The following FTO variants were observed in gnomAD, a reference collection of about 807,000 sequenced individuals.
FTO encodes FTO alpha-ketoglutarate dependent dioxygenase.
A neutral mutation model predicts 63.9 loss-of-function variants in FTO; 47 were observed. The observed-to-expected ratio is 0.74, with a 90% CI of 0.58 to 0.94. The LOEUF is 0.94. Ranked by LOEUF, FTO falls within the 40% of genes least tolerant of loss-of-function variation. The pLI, the probability that FTO is intolerant of heterozygous loss-of-function variation, is 0.00. For synonymous variants in FTO, 207 were observed against 224.4 expected (o/e 0.92, Z 0.69); for missense variants, 562 against 618.1 (o/e 0.91, Z 0.96).
intron 1 of FTO, among the ~76,000 whole-genome samples, chr16:53,736,334 C>T (rs575068113): frequency 1.1e-4 from 16 of 151,206 alleles, no homozygotes; most frequent in African/African-American, 3.9e-4. Flanking sequence ...TGCACATGTA[C>T]CCTAGGACTT....
At chr16:54,026,308 G>T (rs1163452980) in intron 8 of FTO, among the ~76,000 whole-genome samples, 1 of 152,126 alleles carries the variant, frequency 6.6e-6, no homozygotes, top group African/African-American at 2.4e-5. Context: ...CAAAAGAACT[G>T]CTGTGGCTCC....
At chr16:54,110,227 A>G (rs1201248350) in intron 8 of FTO, among the ~76,000 whole-genome samples, 1 of 152,204 alleles carries the variant, frequency 6.6e-6, no homozygotes, top group Non-Finnish European at 1.5e-5. Flanking sequence ...TGTGTAGCTT[A>G]TCAGTGCAAA....
At chr16:53,954,039 G>T (rs545445741) in intron 8 of FTO, among the ~76,000 whole-genome samples, 1 of 152,310 alleles carries the variant, frequency 6.6e-6, no homozygotes, top group East Asian at 1.9e-4. Context: ...GAAGGCTAGG[G>T]TCCTGCAGAA....
chr16:53,725,446 T>A (rs1166995271), intron 1 of FTO, among the ~76,000 whole-genome samples: 1 of 152,220 alleles, frequency 6.6e-6, no homozygotes, highest in Non-Finnish European at 1.5e-5. Context: ...AGTGTGTACT[T>A]ATGGCTTGGA....
intron 8 of FTO, among the ~76,000 whole-genome samples, chr16:54,021,531 C>T (rs2084599912): frequency 6.6e-6 from 1 of 152,100 alleles, no homozygotes; most frequent in Non-Finnish European, 1.5e-5. Flanking sequence ...CCTCTGTCAC[C>T]CAGGCAGGAG....
At chr16:53,894,375 G>T (rs923516275) in intron 7 of FTO, among the ~76,000 whole-genome samples, 3 of 152,068 alleles carry the variant, frequency 2.0e-5, no homozygotes, top group Non-Finnish European at 4.4e-5. Context: ...GTTTATTTTT[G>T]GAGAGATTAA....
rs1190491412 is a variant in FTO at position 54,121,818 on chromosome 16, G to T, written c.*9903G>T. 1 of 151,950 alleles carries T rather than the reference G, an allele frequency of 6.6e-6. No individual in the cohort carries two copies. The highest frequency in any genetic ancestry group is 1.5e-5 in the Non-Finnish European group (1 of 68,004). The allele number at this position is 151,950 out of a possible 1,614,324, so 9.4% of individuals were successfully genotyped here. A position where few individuals can be genotyped will look rare whatever the true frequency, so the allele number is the denominator to read the frequency against. ...TATTTATAAGTCAGTAAAACACAGC[G>T]GCTTCATACTCTGTGCTTATTACCC... On this transcript the variant is annotated 3_prime_UTR_variant, in exon 9 of 9. Transcript: ENST00000471389.
chr16:53,767,515 A>T (rs1567969530), intron 1 of FTO, among the ~76,000 whole-genome samples: 2 of 152,046 alleles, frequency 1.3e-5, no homozygotes, highest in Non-Finnish European at 2.9e-5. Context: ...AAAAAAATAA[A>T]AAATAAATAA....
intron 4 of FTO, among the ~76,000 whole-genome samples, chr16:53,858,603 G>C (rs1375988226): frequency 6.6e-6 from 1 of 152,094 alleles, no homozygotes; most frequent in Non-Finnish European, 1.5e-5. Flanking sequence ...TTGTTGATGG[G>C]TTTTGAAGAG....
chr16:53,893,047 C>T (rs560577658), intron 7 of FTO, among the ~76,000 whole-genome samples: 1 of 152,222 alleles, frequency 6.6e-6, no homozygotes, highest in African/African-American at 2.4e-5. Flanking sequence ...TTTCTCCCAG[C>T]GGATAGTTTT....
intron 1 of FTO, among the ~76,000 whole-genome samples, chr16:53,796,049 C>CTTT (rs745383491): frequency 1.4e-5 from 2 of 138,432 alleles, no homozygotes. Context: ...TTCTTTCTTT[C>CTTT]TTTTTTTTTT....
chr16:53,820,797 G>A (rs980024832), intron 2 of FTO, among the ~76,000 whole-genome samples: 4 of 152,086 alleles, frequency 2.6e-5, no homozygotes, highest in African/African-American at 9.7e-5. Context: ...GTCCAGGAAA[G>A]GTTTCTATAA....
intron 8 of FTO, among the ~76,000 whole-genome samples, chr16:54,027,573 A>T (rs1199337739): frequency 1.3e-5 from 2 of 152,084 alleles, no homozygotes; most frequent in African/African-American, 4.8e-5. Context: ...GATTTAAAAA[A>T]AAAAATCTGC....
chr16:54,106,479 A>G (rs1403164384), intron 8 of FTO, among the ~76,000 whole-genome samples: 1 of 145,860 alleles, frequency 6.9e-6, no homozygotes, highest in East Asian at 2.0e-4. Context: ...TACACATATA[A>G]TATGTAATAT....
chr16:54,084,605 T>G (rs1475309281), intron 8 of FTO, among the ~76,000 whole-genome samples: 2 of 151,594 alleles, frequency 1.3e-5, no homozygotes, highest in Non-Finnish European at 3.0e-5. Flanking sequence ...TTAAATTCAG[T>G]GAGTTGAGAG....
intron 6 of FTO, among the ~76,000 whole-genome samples, chr16:53,885,737 C>T (rs931880743): frequency 6.6e-5 from 10 of 152,138 alleles, no homozygotes; most frequent in African/African-American, 2.4e-4. Context: ...TTTGAACTGA[C>T]TCCAGAACCC....
intron 1 of FTO, among the ~76,000 whole-genome samples, chr16:53,752,874 C>T: frequency 6.6e-6 from 1 of 151,074 alleles, no homozygotes; most frequent in Non-Finnish European, 1.5e-5. Flanking sequence ...ACCCATTCCC[C>T]CTAAGGTATA....
chr16:53,921,621 A>C (rs1164688288), intron 7 of FTO, among the ~76,000 whole-genome samples: 1 of 152,158 alleles, frequency 6.6e-6, no homozygotes, highest in African/African-American at 2.4e-5. Context: ...AAAAAGATAA[A>C]GATAAGGCAA....
At chr16:53,888,582 T>A (rs10852524) in intron 6 of FTO, among the ~76,000 whole-genome samples, 100,001 of 151,786 alleles carry the variant, frequency 0.66, 33,932 homozygotes, top group East Asian at 0.91. Context: ...AGCCTGCCAA[T>A]CTATTAGGAT....
Sources: gnomAD v4.1 joint callset for allele counts (sites outside exome capture counted in the v4.1 genomes callset) on GRCh38, gnomAD v4.1.1 for gene constraint, MANE v1.5 for transcripts, NCBI Gene and HGNC (gene_info 2026-07-23, HGNC 2026-07-21) for gene names.